The following GCFC2 variants were observed in gnomAD, a reference collection of about 807,000 sequenced individuals.
GCFC2 encodes GC-rich sequence DNA-binding factor 2.
Under a neutral mutation model 99.4 loss-of-function variants are expected in GCFC2, and 102 were observed. That is an observed-to-expected ratio of 1.03 (90% confidence interval 0.87 to 1.21). The LOEUF (loss-of-function observed/expected upper bound fraction) is 1.21, where lower values mean the gene tolerates loss of function less well. GCFC2 is among the 50% of genes most tolerant of loss of function. The probability of loss-of-function intolerance (pLI) is 0.00; values close to 1 mark genes in which losing one functional copy is unlikely to be tolerated. For synonymous variants in GCFC2, 338 were observed against 316.8 expected (o/e 1.07, Z -0.71); for missense variants, 973 against 920.9 (o/e 1.06, Z -0.73).
intron 11 of GCFC2, among the ~76,000 whole-genome samples, chr2:75,685,731 A>G (rs757625764): frequency 6.6e-6 from 1 of 152,142 alleles, no homozygotes; most frequent in Admixed American, 6.5e-5. Flanking sequence ...TTCCAAACTT[A>G]TACCTTCTGA....
intron 16 of GCFC2, among the ~76,000 whole-genome samples, chr2:75,664,991 A>C (rs1678770559): frequency 6.6e-6 from 1 of 152,130 alleles, no homozygotes; most frequent in African/African-American, 2.4e-5. Context: ...ATTCTGGCAA[A>C]TTTCAATGTG....
At position 75,699,571 on chromosome 2, in the gene GCFC2, C is replaced by A. The variant is rs13425901; in HGVS notation, c.717+1619G>T. ...TACTTGTTTAAACTTTACATTCATT[C>A]ATTCATTCATTTATTTATTTTTAGT... On this transcript the variant is annotated intron_variant, in intron 4 of 16. Transcript: ENST00000321027. Among the ~76,000 whole-genome samples, 559 of 151,276 alleles carry A rather than the reference C, an allele frequency of 3.7e-3. 3 individuals are homozygous for A. Among genetic ancestry groups the A allele is most frequent in the African/African-American group, 0.013 (535 of 40,646 alleles).
At chr2:75,712,145 C>A (rs1168350520), upstream of GCFC2, among the ~76,000 whole-genome samples, 1 of 116,762 alleles carries the variant, frequency 8.6e-6, no homozygotes, top group Non-Finnish European at 2.1e-5. Context: ...CCAATCAGCA[C>A]CCTGTGTTTA....
At position 75,702,430 on chromosome 2, in the gene GCFC2, G is replaced by A. The variant is rs746270650; in HGVS notation, c.395-7C>T. 6.2e-7 allele frequency: 1 copy of A among 1,607,808 alleles called. No individual in the cohort carries two copies. Reference sequence around the variant, plus strand: ...GCTGCATCTGGGATCTTAACTGAAGGAAACAAAGACGAGGACACTAAAAAC... The same window carrying A: ...GCTGCATCTGGGATCTTAACTGAAGAAAACAAAGACGAGGACACTAAAAAC... On this transcript the variant is annotated splice_polypyrimidine_tract_variant and splice_region_variant and intron_variant, in intron 2 of 16. Transcript: ENST00000321027.
chr2:75,695,672 T>C (rs1680280828), intron 5 of GCFC2, among the ~76,000 whole-genome samples: 1 of 152,160 alleles, frequency 6.6e-6, no homozygotes, highest in African/African-American at 2.4e-5. Flanking sequence ...TAAAGTTTAA[T>C]TTATATATTA....
At chr2:75,671,791 T>C (rs568180127) in intron 14 of GCFC2, among the ~76,000 whole-genome samples, 159 bp downstream of exon 14, 55 of 152,366 alleles carry the variant, frequency 3.6e-4, no homozygotes, top group African/African-American at 1.2e-3. Context: ...TGACTGTTTT[T>C]GTGCTACAGC....
At chr2:75,710,538 C>CA in intron 1 of GCFC2, 53 bp downstream of exon 1, 1 of 1,437,700 alleles carries the variant, frequency 7.0e-7, no homozygotes, top group South Asian at 1.4e-5. Flanking sequence ...ACCCCGCGGC[C>CA]CCTTCCCGCC....
chr2:75,710,974 C>T (rs1429640883), upstream of GCFC2: 65 of 1,367,098 alleles, frequency 4.8e-5, no homozygotes, highest in Non-Finnish European at 5.5e-5. Context: ...GCGCCCGTCC[C>T]GCCTGCCTTC....
In GCFC2 at chr2:75,682,089, C is replaced by G. The variant is rs748557401; in HGVS notation, c.1691-1775G>C. Among the ~76,000 whole-genome samples the G allele has an allele frequency of 1.2e-4, 18 of 151,904 alleles. 1 individual carries two copies. Among genetic ancestry groups the G allele is most frequent in the Non-Finnish European group, 1.9e-4 (13 of 68,038 alleles). The stretch of plus-strand genomic sequence containing the variant: ...TGGTTCTCTCAGCACAGTGTTCGAG[C>G]TCTGCTAAGGGACACACTGCCTCCT... On this transcript the variant is annotated intron_variant, in intron 11 of 16. Coordinates refer to ENST00000321027, the MANE Select transcript of GCFC2 (RefSeq NM_003203.5).
At chr2:75,691,274 A>G (rs546787632) in intron 7 of GCFC2, among the ~76,000 whole-genome samples, 1 of 152,330 alleles carries the variant, frequency 6.6e-6, no homozygotes, top group South Asian at 2.1e-4. Flanking sequence ...AAGTTATACG[A>G]ATGTTGGGTA....
intron 1 of GCFC2, among the ~76,000 whole-genome samples, chr2:75,708,501 CTTTTTTTTTT>C (rs34414596): frequency 1.4e-4 from 11 of 78,642 alleles, no homozygotes; most frequent in African/African-American, 3.3e-4. Context: ...CATTTGGCAA[CTTTTTTTTTT>C]TTTTTTTTTT....
At chr2:75,708,887 A>G (rs1194369351) in intron 1 of GCFC2, among the ~76,000 whole-genome samples, 1 of 152,146 alleles carries the variant, frequency 6.6e-6, no homozygotes, top group Non-Finnish European at 1.5e-5. Flanking sequence ...TCAATGATCT[A>G]AAAATGCTAT....
rs532406834 is a variant in GCFC2 at position 75,675,419 on chromosome 2, A to G, written c.1813-1899T>C. Among the ~76,000 whole-genome samples, 11 of 152,348 alleles carry G rather than the reference A, an allele frequency of 7.2e-5. No homozygotes were observed. The East Asian group carries it at 2.1e-3, about 29-fold the overall frequency. Reference sequence around the variant, plus strand: ...ATGAAAGTTTTCTTTCAAAGTATTAATATTTCCAAATAAATTGTTTAAAAC... The same window carrying G: ...ATGAAAGTTTTCTTTCAAAGTATTAGTATTTCCAAATAAATTGTTTAAAAC... On this transcript the variant is annotated intron_variant, in intron 12 of 16. Coordinates refer to ENST00000321027, the MANE Select transcript of GCFC2 (RefSeq NM_003203.5).
intron 3 of GCFC2, 189 bp downstream of exon 3, chr2:75,702,010 C>T (rs1573089702): frequency 2.2e-6 from 3 of 1,393,554 alleles, no homozygotes; most frequent in East Asian, 5.2e-5. Context: ...ATTACACATA[C>T]TCCTTGATAA....
intron 15 of GCFC2, among the ~76,000 whole-genome samples, chr2:75,667,730 C>T (rs193163483): frequency 8.9e-4 from 135 of 152,236 alleles, no homozygotes; most frequent in Non-Finnish European, 1.3e-4. Context: ...CACTAAAAGT[C>T]GATTTTCTTG....
In GCFC2 at chr2:75,690,008, G is replaced by T; in HGVS notation, c.1300C>A (p.Leu434Met). The change falls in exon 9 of 17, where the codon CTG (leucine) becomes ATG (methionine). Residue 434 changes from leucine to methionine, a missense_variant. By Grantham distance (15) the Leu-to-Met change is conservative. Transcript: ENST00000321027. ...AAGTCAATCATCTCTGCTGAAGGCA[G>T]TTCATCATCACTAGATGTTCCTTCC... The part of the protein sequence containing the change: ...HQEGTSSDDE[L>M]PSAEMIDFQK... The T allele has an allele frequency of 6.2e-7, 1 of 1,608,170 alleles. No individual in the cohort carries two copies. The highest frequency in any genetic ancestry group is 8.5e-7 in the Non-Finnish European group (1 of 1,175,742).
rs1681120202 is a variant in GCFC2, at chr2:75,710,698, T to C, written c.158A>G (p.Gln53Arg). Residue 53 changes from glutamine to arginine, a missense_variant, in exon 1 of 17, where the codon CAG becomes CGG. Physicochemically the swap from Gln to Arg is conservative, Grantham distance 43 (BLOSUM62 1). Transcript: ENST00000321027. ...EEPPSGGGRA[Q>R]VAGLPHRVRG... ...AACCCGGTGGGGCAGTCCCGCCACC[T>C]GCGCGCGGCCTCCTCCAGAGGGCGG... 3.3e-6 allele frequency: 5 copies of C among 1,531,742 alleles called. No individual in the cohort carries two copies. The South Asian group carries it at 6.0e-5, about 18-fold the overall frequency. 94.9% of individuals were successfully genotyped at this position (1,531,742 alleles called of 1,614,324 possible). A position where few individuals can be genotyped will look rare whatever the true frequency, so the allele number is the denominator to read the frequency against.
At chr2:75,712,381 C>G (rs146511661), upstream of GCFC2, among the ~76,000 whole-genome samples, 193 of 152,284 alleles carry the variant, frequency 1.3e-3, 5 homozygotes, top group East Asian at 0.031. Flanking sequence ...CTTGGAGAAC[C>G]TGTGTGTGGA....
chr2:75,688,026 G>T, intron 10 of GCFC2, 49 bp from the exon 11 acceptor site: 1 of 1,138,898 alleles, frequency 8.8e-7, no homozygotes, highest in Non-Finnish European at 1.3e-6. Context: ...CAACATTAGT[G>T]TATTTTTAAA....
Sources: allele counts gnomAD v4.1 joint callset (sites outside exome capture counted in the v4.1 genomes callset), GRCh38; gene constraint gnomAD v4.1.1; transcripts MANE v1.5; gene names NCBI Gene and HGNC (gene_info 2026-07-23, HGNC 2026-07-21).